The following PLPPR5 variants were observed in gnomAD, a reference collection of about 807,000 sequenced individuals.
The protein encoded by PLPPR5 is phospholipid phosphatase related 5.
PLPPR5 carries 16 observed loss-of-function variants against 33.9 expected under a neutral mutation model. The ratio of observed to expected loss-of-function variants is 0.47; its 90% confidence interval spans 0.32 to 0.72. PLPPR5 has a LOEUF of 0.72. PLPPR5 is among the 30% of genes least tolerant of loss of function. The pLI, the probability that PLPPR5 is intolerant of heterozygous loss-of-function variation, is 0.03. For synonymous variants in PLPPR5, 163 were observed against 150.3 expected (o/e 1.08, Z -0.62); for missense variants, 301 against 406.7 (o/e 0.74, Z 2.23).
chr1:98,944,411 G>A (rs1197127061), intron 3 of PLPPR5, among the ~76,000 whole-genome samples: 3 of 152,122 alleles, frequency 2.0e-5, no homozygotes, highest in African/African-American at 4.8e-5. Flanking sequence ...ATCCTAACTC[G>A]CAAAGTGATG....
chr1:98,951,455 G>A (rs1332780362), intron 3 of PLPPR5, among the ~76,000 whole-genome samples: 1 of 152,132 alleles, frequency 6.6e-6, no homozygotes, highest in Non-Finnish European at 1.5e-5. Context: ...ACAAACTTCA[G>A]AAAAGTTAGG....
chr1:98,963,529 G>C (rs536257855), intron 1 of PLPPR5, among the ~76,000 whole-genome samples: 1 of 152,200 alleles, frequency 6.6e-6, no homozygotes, highest in Non-Finnish European at 1.5e-5. Flanking sequence ...GAGAGACAGA[G>C]AGAGAGAGAG....
At chr1:98,893,131 G>A (rs764986265) in intron 5 of PLPPR5, 27 bp from the exon 6 acceptor site, 2 of 1,607,820 alleles carry the variant, frequency 1.2e-6, no homozygotes, top group South Asian at 1.1e-5. Flanking sequence ...GAATGACAAA[G>A]TGAGAGGCTT....
chr1:98,957,339 T>TAATAAATA (rs57682466), intron 1 of PLPPR5, among the ~76,000 whole-genome samples: 42 of 149,450 alleles, frequency 2.8e-4, no homozygotes, highest in South Asian at 8.4e-4. Context: ...AGTATAATAA[T>TAATAAATA]AATAAATAAA....
chr1:98,898,518 G>A (rs768857016), intron 5 of PLPPR5, among the ~76,000 whole-genome samples: 4 of 152,158 alleles, frequency 2.6e-5, no homozygotes, highest in Non-Finnish European at 4.4e-5. Flanking sequence ...GTATGTGTTC[G>A]AAGGTTCTAC....
intron 1 of PLPPR5, among the ~76,000 whole-genome samples, chr1:98,967,668 G>C (rs1172775948): frequency 6.6e-6 from 1 of 151,908 alleles, no homozygotes; most frequent in Non-Finnish European, 1.5e-5. Flanking sequence ...ATACAAAATG[G>C]AAACAATAGA....
intron 1 of PLPPR5, among the ~76,000 whole-genome samples, chr1:98,985,693 G>A (rs1385949333): frequency 6.6e-6 from 1 of 151,870 alleles, no homozygotes; most frequent in Admixed American, 6.6e-5. Flanking sequence ...GTTTAAATAT[G>A]TTTATATACA....
At chr1:98,981,695 T>A (rs980358424) in intron 1 of PLPPR5, among the ~76,000 whole-genome samples, 1 of 152,086 alleles carries the variant, frequency 6.6e-6, no homozygotes, top group Non-Finnish European at 1.5e-5. Flanking sequence ...TATGAAGGAA[T>A]GAATTACTGA....
chr1:98,951,017 T>C (rs1373062249), intron 3 of PLPPR5, among the ~76,000 whole-genome samples: 1 of 152,202 alleles, frequency 6.6e-6, no homozygotes, highest in Non-Finnish European at 1.5e-5. Flanking sequence ...ATCTAATGTC[T>C]ATTAGTATTA....
In PLPPR5 at chr1:98,982,189, A is replaced by G. The variant is rs1031891043; in HGVS notation, c.237+22246T>C. Reference sequence around the variant, plus strand: ...ATGCACCATGAGAACAACATCCAAAAAAGTGTTCTAATTTTATCATATATA... The same window carrying G: ...ATGCACCATGAGAACAACATCCAAAGAAGTGTTCTAATTTTATCATATATA... On this transcript the variant is annotated intron_variant, in intron 1 of 5. Coordinates refer to ENST00000263177, the MANE Select transcript of PLPPR5 (RefSeq NM_001037317.2). Among the ~76,000 whole-genome samples the G allele has an allele frequency of 2.0e-5, 3 of 152,038 alleles. No homozygotes were observed. The East Asian group carries it at 5.8e-4, about 29-fold the overall frequency.
rs1253192858 is a variant in PLPPR5 at position 98,892,493 on chromosome 1, A to G, written c.*579T>C. The G allele has an allele frequency of 1.3e-5, 2 of 152,652 alleles. No individual in the cohort carries two copies. Among genetic ancestry groups the G allele is most frequent in the African/African-American group, 2.4e-5 (1 of 41,436 alleles). The allele number at this position is 152,652 out of a possible 1,614,324, so 9.5% of individuals were successfully genotyped here. On this transcript the variant is annotated 3_prime_UTR_variant, in exon 6 of 6. Coordinates refer to ENST00000263177, the MANE Select transcript of PLPPR5 (RefSeq NM_001037317.2). ...TGAATAGTATTTTAAGTGAAATATA[A>G]CATAATATAATGTGGAAACATTATT...
At chr1:98,946,737 T>TATGGAATATACAAACATATTCCATAG (rs1650566871) in intron 3 of PLPPR5, among the ~76,000 whole-genome samples, 1 of 152,148 alleles carries the variant, frequency 6.6e-6, no homozygotes, top group South Asian at 2.1e-4. Flanking sequence ...AGAACTTTAT[T>TATGGAATATACAAACATATTCCATAG]AGACCCCCTA....
chr1:98,955,945 T>C (rs890433911), intron 2 of PLPPR5, among the ~76,000 whole-genome samples: 2 of 152,174 alleles, frequency 1.3e-5, no homozygotes, highest in African/African-American at 4.8e-5. Context: ...TGATTTTCAA[T>C]AATTCATTCA....
At chr1:98,938,550 ATATT>A (rs1650257018) in intron 3 of PLPPR5, among the ~76,000 whole-genome samples, 1 of 148,444 alleles carries the variant, frequency 6.7e-6, no homozygotes, top group Admixed American at 6.7e-5. Flanking sequence ...AAATATAAAT[ATATT>A]TATTTAAATT....
chr1:98,921,257 G>A (rs1344877712), intron 4 of PLPPR5, among the ~76,000 whole-genome samples: 1 of 152,142 alleles, frequency 6.6e-6, no homozygotes, highest in Non-Finnish European at 1.5e-5. Flanking sequence ...CACTGTGTAT[G>A]CTCTTTACTA....
intron 1 of PLPPR5, among the ~76,000 whole-genome samples, chr1:98,968,407 T>C (rs2101242555): frequency 6.6e-6 from 1 of 152,120 alleles, no homozygotes; most frequent in East Asian, 1.9e-4. Context: ...TCCCCTCTTC[T>C]TTATCAACAA....
At chr1:98,924,613 C>A (rs986650701) in intron 3 of PLPPR5, among the ~76,000 whole-genome samples, 5 of 152,172 alleles carry the variant, frequency 3.3e-5, no homozygotes, top group Non-Finnish European at 5.9e-5. Flanking sequence ...ATTTGCCTTT[C>A]CCTCACCCCC....
chr1:98,923,377 T>C (rs1391793821), intron 3 of PLPPR5, among the ~76,000 whole-genome samples: 1 of 152,178 alleles, frequency 6.6e-6, no homozygotes. Flanking sequence ...GAAAAATTCT[T>C]AGAAATGCAT....
At position 98,956,733 on chromosome 1, in the gene PLPPR5, A is replaced by G. The variant is rs185460616; in HGVS notation, c.246T>C (p.Val82=). The G allele has an allele frequency of 3.1e-5, 48 of 1,562,418 alleles. No homozygotes were observed. In the East Asian group the frequency reaches 6.4e-4, roughly 21 times the overall value. Residue 82 remains valine (V), a synonymous_variant, in exon 2 of 6, where the codon GTT becomes GTC. Transcript: ENST00000263177. ...GTAGGCAAAAGACAGCAGTTTCTCCAACTATTATCTTGAAAGAAAATAAAA... is the reference window on the plus strand; with the variant it reads ...GTAGGCAAAAGACAGCAGTTTCTCCGACTATTATCTTGAAAGAAAATAAAA... ...AAGVPVLVII[V]GETAVFCLQL... is the part of the protein sequence containing the mutation.
Sources: allele counts gnomAD v4.1 joint callset (sites outside exome capture counted in the v4.1 genomes callset), GRCh38; gene constraint gnomAD v4.1.1; transcripts MANE v1.5; gene names NCBI Gene and HGNC (gene_info 2026-07-23, HGNC 2026-07-21).